The following PRR14L variants were observed in gnomAD, a reference collection of about 807,000 sequenced individuals.
PRR14L encodes the protein protein PRR14L.
In PRR14L, 80 loss-of-function variants were observed where a neutral mutation model predicts 155.0. The ratio of observed to expected loss-of-function variants is 0.52; its 90% confidence interval spans 0.43 to 0.62. PRR14L has a LOEUF of 0.62. PRR14L is among the 20% of genes least tolerant of loss of function. The probability of loss-of-function intolerance (pLI) is 0.00; values close to 1 mark genes in which losing one functional copy is unlikely to be tolerated. For missense variants in PRR14L, 2,469 were observed against 2,548.0 expected (o/e 0.97, Z 0.67); for synonymous variants, 883 against 916.0 (o/e 0.96, Z 0.65).
chr22:31,687,818 C>A (rs1054538857), intron 8 of PRR14L, among the ~76,000 whole-genome samples: 1 of 150,856 alleles, frequency 6.6e-6, no homozygotes, highest in Non-Finnish European at 1.5e-5. Context: ...CCAAGGCAGG[C>A]GGATCACGAG....
intron 2 of PRR14L, among the ~76,000 whole-genome samples, chr22:31,731,229 G>A (rs566634413): frequency 7.2e-5 from 11 of 152,164 alleles, no homozygotes; most frequent in South Asian, 4.2e-4. Flanking sequence ...AGGCCCTATC[G>A]TATACACTCA....
chr22:31,746,104 A>C (rs541293552), intron 1 of PRR14L, among the ~76,000 whole-genome samples: 5 of 152,072 alleles, frequency 3.3e-5, no homozygotes, highest in South Asian at 2.1e-4. Context: ...AAATATTTTT[A>C]TTTCTTGTAG....
At chr22:31,709,533 G>GTTTTTTT (rs35320368) in intron 4 of PRR14L, among the ~76,000 whole-genome samples, 1 of 88,546 alleles carries the variant, frequency 1.1e-5, no homozygotes, top group Non-Finnish European at 2.2e-5. Context: ...CGCCTGTGGG[G>GTTTTTTT]TTTTTTTTTT....
intron 4 of PRR14L, among the ~76,000 whole-genome samples, chr22:31,707,315 C>T (rs533027477): frequency 2.6e-5 from 4 of 152,234 alleles, no homozygotes; most frequent in African/African-American, 9.6e-5. Flanking sequence ...GTTACACCTC[C>T]ACAGGGTGAA....
intron 7 of PRR14L, among the ~76,000 whole-genome samples, chr22:31,690,841 T>G (rs1464003284): frequency 6.6e-6 from 1 of 151,316 alleles, no homozygotes; most frequent in African/African-American, 2.4e-5. Context: ...AGGGTTTCAT[T>G]ATATTGGTCA....
chr22:31,698,534 C>T (rs1390283284), intron 7 of PRR14L, among the ~76,000 whole-genome samples: 2 of 129,612 alleles, frequency 1.5e-5, no homozygotes, highest in African/African-American at 5.6e-5. Context: ...AACTACATCT[C>T]AAAAAAAAAA....
chr22:31,745,843 TAAAAAAAA>T (rs755650797), intron 1 of PRR14L, among the ~76,000 whole-genome samples: 1 of 133,768 alleles, frequency 7.5e-6, no homozygotes, highest in Non-Finnish European at 1.6e-5. Context: ...AGACTCAGTT[TAAAAAAAA>T]AAAAAAAAAA....
intron 3 of PRR14L, among the ~76,000 whole-genome samples, chr22:31,723,505 A>ATTTT (rs2074701715): frequency 6.6e-6 from 1 of 152,222 alleles, no homozygotes; most frequent in Non-Finnish European, 1.5e-5. Flanking sequence ...GTGGGTGAAA[A>ATTTT]TATACCAAAG....
intron 8 of PRR14L, among the ~76,000 whole-genome samples, chr22:31,687,876 A>C (rs1431485612): frequency 6.6e-6 from 1 of 151,512 alleles, no homozygotes; most frequent in Non-Finnish European, 1.5e-5. Context: ...CTAAAAATAC[A>C]AAAAATTAGC....
chr22:31,684,418 C>G lies in PRR14L; in HGVS notation c.*1109G>C, dbSNP rs1347495180. ...GAAAGCCACAAATACTGTGGGTCAG[C>G]CTGTATCACTGCCCAAGCCGTTGTA... is the stretch of plus-strand genomic sequence containing the variant. On this transcript the variant is annotated 3_prime_UTR_variant, in exon 9 of 9. Transcript: ENST00000327423. 6.6e-6 allele frequency: 1 copy of G among 152,214 alleles called. No homozygotes were observed. 9.4% of individuals were successfully genotyped at this position (152,214 alleles called of 1,614,324 possible).
Position 31,716,364 on chromosome 22 carries a change from T to C in PRR14L, c.1475A>G (p.Asp492Gly). The C allele has an allele frequency of 1.9e-6, 3 of 1,550,738 alleles. No individual in the cohort carries two copies. The South Asian group carries it at 3.6e-5, about 19-fold the overall frequency. The stretch of plus-strand genomic sequence containing the variant: ...CATATTAGTAAAAGTTTCTTTATGG[T>C]CCTCAGGGTTTGTCAAGTTACCTTG... ...HVQGNLTNPE[D>G]HKETFTNMSH... is the part of the protein sequence containing the mutation. Residue 492 changes from aspartate to glycine, a missense_variant, in exon 4 of 9, where the codon GAC (aspartate) becomes GGC (glycine). Physicochemically the swap from Asp to Gly is moderately conservative, Grantham distance 94. Coordinates refer to ENST00000327423, the MANE Select transcript of PRR14L (RefSeq NM_173566.3).
At chr22:31,688,329 C>A in intron 7 of PRR14L, 102 bp from the exon 8 acceptor site, 2 of 1,348,578 alleles carry the variant, frequency 1.5e-6, no homozygotes, top group African/African-American at 1.5e-5. Context: ...GTGACATGAT[C>A]ATAGCTCACT....
At chr22:31,705,540 A>G (rs1302708227) in intron 4 of PRR14L, among the ~76,000 whole-genome samples, 1 of 151,772 alleles carries the variant, frequency 6.6e-6, no homozygotes, top group Non-Finnish European at 1.5e-5. Flanking sequence ...TGCCCGGGTA[A>G]TTTTTGTATT....
chr22:31,690,372 G>C (rs905835023), intron 7 of PRR14L, among the ~76,000 whole-genome samples: 1 of 149,666 alleles, frequency 6.7e-6, no homozygotes, highest in Non-Finnish European at 1.5e-5. Context: ...TTTCGTACAG[G>C]TGGGGTTTCA....
In PRR14L at chr22:31,714,994, TAAC is replaced by T. The variant is rs2147864313; in HGVS notation, c.2842_2844del (p.Val948del). On this transcript the variant is annotated inframe_deletion, in exon 4 of 9. Coordinates refer to ENST00000327423, the MANE Select transcript of PRR14L (RefSeq NM_173566.3). ...TTTACATTTTTAAAACTGGAGAACA[TAAC>T]AGTAGGAGACTGGTCCAACACTTTT... is the stretch of plus-strand genomic sequence containing the variant. The T allele has an allele frequency of 6.4e-7, 1 of 1,552,140 alleles. No homozygotes were observed. The highest frequency in any genetic ancestry group is 2.0e-5 in the Admixed American group (1 of 50,994).
chr22:31,689,308 C>T (rs879429086), intron 7 of PRR14L, among the ~76,000 whole-genome samples: 7 of 152,060 alleles, frequency 4.6e-5, no homozygotes, highest in Admixed American at 1.3e-4. Context: ...CAAAGCAAGA[C>T]GCTGTCTCTA....
At chr22:31,701,517 T>C in intron 7 of PRR14L, 139 bp downstream of exon 7, 1 of 564,506 alleles carries the variant, frequency 1.8e-6, no homozygotes, top group Admixed American at 3.5e-5. Flanking sequence ...TCTAGCGACA[T>C]TACTAATTAA....
At chr22:31,719,273 C>T (rs181277107) in intron 3 of PRR14L, among the ~76,000 whole-genome samples, 1 of 151,158 alleles carries the variant, frequency 6.6e-6, no homozygotes, top group Non-Finnish European at 1.5e-5. Flanking sequence ...ATCAGCTGAG[C>T]ATGGTGGTGT....
At position 31,716,186 on chromosome 22, in the gene PRR14L, C is replaced by T. The variant is rs776695522; in HGVS notation, c.1653G>A (p.Leu551=). Residue 551 remains leucine (L), a synonymous_variant, in exon 4 of 9, where the codon CTG becomes CTA. Coordinates refer to ENST00000327423, the MANE Select transcript of PRR14L (RefSeq NM_173566.3). The part of the protein sequence containing the change: ...CNSLVSIQRN[L]EGNTQLNEAS... The stretch of plus-strand genomic sequence containing the variant: ...CTTCATTTAACTGGGTGTTGCCTTC[C>T]AGATTTCTCTGGATGCTGACTAAGG... The T allele has an allele frequency of 1.9e-6, 3 of 1,551,490 alleles. No homozygotes were observed. In the Admixed American group the frequency reaches 5.9e-5, roughly 30 times the overall value.
Sources: allele counts gnomAD v4.1 joint callset (sites outside exome capture counted in the v4.1 genomes callset), GRCh38; gene constraint gnomAD v4.1.1; transcripts MANE v1.5; gene names NCBI Gene and HGNC (gene_info 2026-07-23, HGNC 2026-07-21).